The following DNM3 variants were observed in gnomAD, a reference collection of about 807,000 sequenced individuals.
DNM3 encodes dynamin-3.
In DNM3, 47 loss-of-function variants were observed where a neutral mutation model predicts 101.6. The observed-to-expected ratio is 0.46, with a 90% confidence interval of 0.37 to 0.59. The LOEUF (loss-of-function observed/expected upper bound fraction) is 0.59. Ranked by LOEUF, DNM3 falls within the 20% of genes least tolerant of loss-of-function variation. DNM3 has a pLI of 0.00. For missense variants in DNM3, 849 were observed against 1,085.7 expected (o/e 0.78, Z 3.06); for synonymous variants, 385 against 387.9 (o/e 0.99, Z 0.09).
intron 14 of DNM3, among the ~76,000 whole-genome samples, chr1:172,226,099 A>G (rs1355422355): frequency 1.3e-5 from 2 of 152,196 alleles, no homozygotes. Context: ...CACTATGCAC[A>G]TATAATTGCA....
chr1:172,365,056 A>T (rs1573614898), intron 17 of DNM3, among the ~76,000 whole-genome samples: 1 of 151,952 alleles, frequency 6.6e-6, no homozygotes, highest in East Asian at 1.9e-4. Flanking sequence ...TAATACACAC[A>T]GTATATGGAC....
chr1:171,947,894 G>A (rs2125441312), intron 2 of DNM3, among the ~76,000 whole-genome samples: 1 of 152,328 alleles, frequency 6.6e-6, no homozygotes, highest in African/African-American at 2.4e-5. Context: ...GGCCGTATAT[G>A]TTACAGAGAT....
In DNM3 at chr1:172,348,241, G is replaced by A. The variant is rs192234831; in HGVS notation, c.1893+24901G>A. ...TTGAGGAGGTAGGAGGAGAGAGAGA[G>A]GTTGAGAATTTTCTAAAATTGTTGA... On this transcript the variant is annotated intron_variant, in intron 17 of 20. Coordinates refer to ENST00000627582, the MANE Select transcript of DNM3 (RefSeq NM_015569.5). Among the ~76,000 whole-genome samples, 3 of 152,168 alleles carry A rather than the reference G, an allele frequency of 2.0e-5. No homozygotes were observed. The East Asian group carries it at 5.8e-4, about 29-fold the overall frequency.
chr1:172,104,105 T>G (rs112646651), intron 13 of DNM3, among the ~76,000 whole-genome samples: 3,177 of 152,326 alleles, frequency 0.021, 104 homozygotes, highest in African/African-American at 0.071. Context: ...GGAACCATTG[T>G]ATTATTTTCT....
intron 17 of DNM3, among the ~76,000 whole-genome samples, chr1:172,323,559 G>A (rs530226877): frequency 6.6e-6 from 1 of 152,266 alleles, no homozygotes; most frequent in East Asian, 1.9e-4. Context: ...CTATCCTTCA[G>A]GGTCTAATGG....
At chr1:171,932,283 G>A (rs373555819) in intron 2 of DNM3, among the ~76,000 whole-genome samples, 5 of 151,154 alleles carry the variant, frequency 3.3e-5, no homozygotes, top group Admixed American at 2.0e-4. Flanking sequence ...CTAGGACTAC[G>A]GGCATGCACC....
chr1:171,937,841 A>G (rs1335316407), intron 2 of DNM3, among the ~76,000 whole-genome samples: 5 of 152,134 alleles, frequency 3.3e-5, no homozygotes, highest in Non-Finnish European at 1.5e-5. Flanking sequence ...CAAGCCTCCT[A>G]AAGTGCTTTT....
At chr1:172,379,304 T>C in intron 18 of DNM3, 122 bp downstream of exon 18, 1 of 900,772 alleles carries the variant, frequency 1.1e-6, no homozygotes, top group Non-Finnish European at 1.6e-6. Context: ...CCCAGGTTCA[T>C]CATTTTCCAT....
chr1:172,043,227 A>G (rs1420373426), intron 8 of DNM3, among the ~76,000 whole-genome samples: 1 of 152,116 alleles, frequency 6.6e-6, no homozygotes, highest in Non-Finnish European at 1.5e-5. Flanking sequence ...AAGTTTTGAG[A>G]TGACTTCCAA....
At chr1:172,094,256 A>T (rs2054100692) in intron 13 of DNM3, among the ~76,000 whole-genome samples, 2 of 152,240 alleles carry the variant, frequency 1.3e-5, no homozygotes, top group Admixed American at 6.5e-5. Flanking sequence ...ATAGTGATGG[A>T]CATTTTATAT....
intron 14 of DNM3, among the ~76,000 whole-genome samples, chr1:172,232,582 T>C (rs924881529): frequency 2.6e-5 from 4 of 152,162 alleles, no homozygotes; most frequent in African/African-American, 9.7e-5. Context: ...CAACAGAATA[T>C]ACATTCTTCT....
chr1:172,317,000 C>G (rs2065404948), intron 16 of DNM3, among the ~76,000 whole-genome samples: 4 of 152,150 alleles, frequency 2.6e-5, no homozygotes, highest in African/African-American at 9.7e-5. Flanking sequence ...TAAAGCTCTC[C>G]TCAGCAAATT....
intron 1 of DNM3, 36 bp downstream of exon 1, chr1:171,841,853 TG>T: frequency 6.3e-7 from 1 of 1,582,008 alleles, no homozygotes. Context: ...GATGCGGCAG[TG>T]GGGCGACCCC....
chr1:172,393,503 A>T (rs1035328661), intron 20 of DNM3: 3 of 152,660 alleles, frequency 2.0e-5, no homozygotes, highest in African/African-American at 7.2e-5. Flanking sequence ...GGCTAAGGGT[A>T]CACGGACAAT....
At chr1:171,878,054 CA>C (rs1162564340) in intron 1 of DNM3, among the ~76,000 whole-genome samples, 1 of 151,910 alleles carries the variant, frequency 6.6e-6, no homozygotes, top group African/African-American at 2.4e-5. Context: ...CTTTGGCTGA[CA>C]AAAGTGATTC....
intron 1 of DNM3, among the ~76,000 whole-genome samples, chr1:171,858,070 CTT>C (rs1288243559): frequency 6.6e-6 from 1 of 152,090 alleles, no homozygotes; most frequent in Non-Finnish European, 1.5e-5. Flanking sequence ...AAATAAATCT[CTT>C]TTATTTAAGT....
At chr1:171,881,528 A>G (rs528537040) in intron 1 of DNM3, among the ~76,000 whole-genome samples, 27 of 152,302 alleles carry the variant, frequency 1.8e-4, no homozygotes, top group African/African-American at 5.5e-4. Flanking sequence ...AAATTCTCAA[A>G]TGAGATCATA....
chr1:172,099,905 G>A (rs1199734920), intron 13 of DNM3, among the ~76,000 whole-genome samples: 2 of 152,188 alleles, frequency 1.3e-5, no homozygotes, highest in Non-Finnish European at 2.9e-5. Context: ...TCCTTGGTTG[G>A]AATATGTTAG....
chr1:172,232,916 A>C (rs1573049448), intron 14 of DNM3, among the ~76,000 whole-genome samples: 2 of 152,312 alleles, frequency 1.3e-5, no homozygotes, highest in Middle Eastern at 3.4e-3. Flanking sequence ...TATAGCACTA[A>C]ATGCCCACAA....
Sources: allele counts gnomAD v4.1 joint callset (sites outside exome capture counted in the v4.1 genomes callset), GRCh38; gene constraint gnomAD v4.1.1; transcripts MANE v1.5; gene names NCBI Gene and HGNC (gene_info 2026-07-23, HGNC 2026-07-21).